Variants in HADHB observed in about 807,000 individuals in gnomAD.
The protein encoded by HADHB is trifunctional enzyme subunit beta, mitochondrial.
A neutral mutation model predicts 61.9 loss-of-function variants in HADHB; 50 were observed. The observed-to-expected ratio is 0.81, with a 90% CI of 0.64 to 1.02. HADHB has a LOEUF of 1.02. Ranked by LOEUF, HADHB falls within the 50% of genes least tolerant of loss-of-function variation. HADHB has a pLI of 0.00. For synonymous variants in HADHB, 191 were observed against 201.6 expected (o/e 0.95, Z 0.45); for missense variants, 504 against 586.5 (o/e 0.86, Z 1.45).
chr2:26,288,080 A>C (rs539702062), intron 15 of HADHB, among the ~76,000 whole-genome samples: 8 of 152,242 alleles, frequency 5.3e-5, no homozygotes, highest in Middle Eastern at 3.4e-3. Context: ...TAGCCTGGGC[A>C]ACATGGCAAA....
rs749861331 is a variant in HADHB at position 26,278,779 on chromosome 2, G to A, written c.608G>A (p.Arg203Gln). ...GQRLSLISKF[R>Q]FNFLAPELPA... The stretch of plus-strand genomic sequence containing the variant: ...CGACTGTCTTTAATCTCTAAATTCC[G>A]ATTTAATTTCCTAGCACCTGAGGTA... Residue 203 changes from arginine to glutamine, a missense_variant, in exon 8 of 16, where the codon CGA becomes CAA. Transcript: ENST00000317799. The A allele has an allele frequency of 1.9e-5, 30 of 1,613,890 alleles. No individual in the cohort carries two copies. The highest frequency in any genetic ancestry group is 1.1e-4 in the South Asian group (10 of 91,056).
At position 26,280,955 on chromosome 2, in the gene HADHB, T is replaced by C. The variant is rs115920757; in HGVS notation, c.933+840T>C. 8.1e-3 allele frequency among the ~76,000 whole-genome samples: 1,203 copies of C among 149,278 alleles called. 8 individuals are homozygous for C. Among genetic ancestry groups the C allele is most frequent in the Non-Finnish European group, 0.012 (828 of 67,538 alleles). On this transcript the variant is annotated intron_variant, in intron 10 of 15. Coordinates refer to ENST00000317799, the MANE Select transcript of HADHB (RefSeq NM_000183.3). ...GAGCAAGGGGTTCTTTGGGGAAAAG[T>C]TAGGTTGGAGCATAAGGTATGAACT...
At chr2:26,255,594 G>A (rs1671577389) in intron 3 of HADHB, among the ~76,000 whole-genome samples, 1 of 151,970 alleles carries the variant, frequency 6.6e-6, no homozygotes, top group Non-Finnish European at 1.5e-5. Context: ...CTCTTTCTGG[G>A]CAGTGTGGCC....
chr2:26,260,949 A>G (rs1671835598), intron 3 of HADHB: 1 of 1,068,138 alleles, frequency 9.4e-7, no homozygotes, highest in South Asian at 1.4e-5. Context: ...GCTTCAACTA[A>G]TTGGCATTTC....
At chr2:26,272,398 T>G (rs1396039308) in intron 5 of HADHB, among the ~76,000 whole-genome samples, 1 of 149,804 alleles carries the variant, frequency 6.7e-6, no homozygotes, top group Non-Finnish European at 1.5e-5. Flanking sequence ...CAAATTGGAG[T>G]GCAGTGGCAC....
intron 1 of HADHB, among the ~76,000 whole-genome samples, chr2:26,253,214 A>G (rs1414953599): frequency 6.6e-6 from 1 of 152,126 alleles, no homozygotes; most frequent in Non-Finnish European, 1.5e-5. Flanking sequence ...AGTTGTTAAT[A>G]TATTTTACAT....
intron 3 of HADHB, chr2:26,261,217 C>T (rs1255484116): frequency 4.2e-6 from 2 of 473,974 alleles, no homozygotes; most frequent in East Asian, 6.2e-5. Flanking sequence ...CAAATACCCC[C>T]CCCCCATCCA....
chr2:26,261,335 C>A, intron 3 of HADHB: 1 of 354,116 alleles, frequency 2.8e-6, no homozygotes, highest in African/African-American at 2.1e-5. Flanking sequence ...TACATCTCTG[C>A]TTTCCTTCTG....
At chr2:26,257,294 G>A (rs1252576994) in intron 3 of HADHB, among the ~76,000 whole-genome samples, 1 of 151,676 alleles carries the variant, frequency 6.6e-6, no homozygotes, top group Admixed American at 6.6e-5. Flanking sequence ...CTAATTTTTT[G>A]TACTTTTAGT....
At chr2:26,281,012 A>G (rs1437211777) in intron 10 of HADHB, among the ~76,000 whole-genome samples, 1 of 152,138 alleles carries the variant, frequency 6.6e-6, no homozygotes, top group Non-Finnish European at 1.5e-5. Flanking sequence ...AAAAGCAGGC[A>G]GAAAGAGTAA....
At chr2:26,249,341 T>C (rs1391329540) in intron 1 of HADHB, among the ~76,000 whole-genome samples, 3 of 151,764 alleles carry the variant, frequency 2.0e-5, no homozygotes, top group East Asian at 3.9e-4. Flanking sequence ...TGAAATCCTG[T>C]CTCTACTAAA....
At chr2:26,257,502 G>C (rs909808357) in intron 3 of HADHB, among the ~76,000 whole-genome samples, 2 of 152,194 alleles carry the variant, frequency 1.3e-5, no homozygotes, top group East Asian at 1.9e-4. Flanking sequence ...CAGTTTATTG[G>C]GGGAGGGGGC....
chr2:26,281,289 G>A (rs978776321), intron 10 of HADHB, among the ~76,000 whole-genome samples: 1 of 152,148 alleles, frequency 6.6e-6, no homozygotes, highest in African/African-American at 2.4e-5. Context: ...TCTGGTCAGA[G>A]TTTCTCTTAC....
intron 3 of HADHB, among the ~76,000 whole-genome samples, chr2:26,259,265 A>G (rs1211743807): frequency 6.6e-6 from 1 of 152,222 alleles, no homozygotes; most frequent in African/African-American, 2.4e-5. Flanking sequence ...ACAGGTATGC[A>G]GTGTAAGAGC....
At chr2:26,273,787 T>C in intron 6 of HADHB, 37 bp downstream of exon 6, 1 of 1,016,684 alleles carries the variant, frequency 9.8e-7, no homozygotes. Context: ...TAAAGAGTGA[T>C]AGGAGAATCA....
intron 3 of HADHB, among the ~76,000 whole-genome samples, chr2:26,258,878 A>G (rs1446966942): frequency 6.6e-6 from 1 of 151,750 alleles, no homozygotes; most frequent in South Asian, 2.1e-4. Flanking sequence ...AGCCTTCTTT[A>G]CCACCTGATT....
intron 7 of HADHB, 32 bp downstream of exon 7, chr2:26,277,192 T>C (rs1236850814): frequency 9.9e-7 from 1 of 1,005,858 alleles, no homozygotes; most frequent in South Asian, 1.3e-5. Flanking sequence ...CAGTACATGT[T>C]AATTATTCTC....
intron 1 of HADHB, chr2:26,245,349 T>A (rs1438512568): frequency 6.5e-6 from 1 of 153,182 alleles, no homozygotes; most frequent in Non-Finnish European, 1.5e-5. Flanking sequence ...GTGTGTTGTT[T>A]CGCCTGCTTC....
rs777022830 is a variant in HADHB, at chr2:26,278,847, T to G, written c.630+46T>G. 1.1e-5 allele frequency: 16 copies of G among 1,497,222 alleles called. No individual in the cohort carries two copies. In the South Asian group the frequency reaches 1.6e-4, roughly 15 times the overall value. The allele number at this position is 1,497,222 out of a possible 1,614,324, so 92.7% of individuals were successfully genotyped here. A position where few individuals can be genotyped will look rare whatever the true frequency, so the allele number is the denominator to read the frequency against. On this transcript the variant is annotated intron_variant, in intron 8 of 15. Coordinates refer to ENST00000317799, the MANE Select transcript of HADHB (RefSeq NM_000183.3). The stretch of plus-strand genomic sequence containing the variant: ...GCATCCCACTGCAGAGATTTAGAAT[T>G]AGGTATGGCAGTGTGGACTCTGCTA...
Sources: allele counts gnomAD v4.1 joint callset (sites outside exome capture counted in the v4.1 genomes callset), GRCh38; gene constraint gnomAD v4.1.1; transcripts MANE v1.5; gene names NCBI Gene and HGNC (gene_info 2026-07-23, HGNC 2026-07-21).